The following HECW1 variants were observed in gnomAD, a reference collection of about 807,000 sequenced individuals.
HECW1 encodes the protein E3 ubiquitin-protein ligase HECW1.
In HECW1, 61 loss-of-function variants were observed where a neutral mutation model predicts 182.3. That is an observed-to-expected ratio of 0.33 (90% CI 0.27 to 0.41). The LOEUF (loss-of-function observed/expected upper bound fraction) is 0.41. Ranked by LOEUF, HECW1 falls within the 10% of genes least tolerant of loss-of-function variation. The pLI is 1.00. For missense variants in HECW1, 1,739 were observed against 2,108.9 expected, an observed-to-expected ratio of 0.82 and a Z score of 3.44; for synonymous variants, 859 against 832.6, an observed-to-expected ratio of 1.03 and a Z score of -0.55.
intron 6 of HECW1, among the ~76,000 whole-genome samples, chr7:43,381,488 A>ATTT (rs34238162): frequency 7.4e-6 from 1 of 135,032 alleles, no homozygotes; most frequent in African/African-American, 2.8e-5. Flanking sequence ...TGCATGGCTA[A>ATTT]TTTTTTTTTT....
chr7:43,477,689 A>G (rs781774581), intron 16 of HECW1, among the ~76,000 whole-genome samples: 1 of 152,174 alleles, frequency 6.6e-6, no homozygotes, highest in African/African-American at 2.4e-5. Flanking sequence ...TGATATTAGT[A>G]GTGTTGTTAT....
intron 3 of HECW1, among the ~76,000 whole-genome samples, chr7:43,309,633 T>C (rs78474990): frequency 0.015 from 2,308 of 152,318 alleles, 59 homozygotes; most frequent in African/African-American, 0.051. Context: ...TATATCCTAC[T>C]CAATCGTAAA....
chr7:43,169,692 T>G (rs1274128718), intron 2 of HECW1, among the ~76,000 whole-genome samples: 1 of 32,438 alleles, frequency 3.1e-5, no homozygotes, highest in Non-Finnish European at 8.0e-5. Context: ...TTTCTTTTCT[T>G]TTTTTTTTTT....
At chr7:43,147,895 C>A (rs1336772154) in intron 2 of HECW1, among the ~76,000 whole-genome samples, 1 of 152,210 alleles carries the variant, frequency 6.6e-6, no homozygotes, top group African/African-American at 2.4e-5. Context: ...TATCCCTAAG[C>A]TGAGCACTAG....
chr7:43,446,154 T>TTCG, intron 11 of HECW1, among the ~76,000 whole-genome samples: 1 of 151,832 alleles, frequency 6.6e-6, no homozygotes, highest in African/African-American at 2.4e-5. Context: ...TTGGTTTTGT[T>TTCG]TTGTTGTTGT....
At position 43,233,454 on chromosome 7, in the gene HECW1, T is replaced by G. The variant is rs75709371; in HGVS notation, c.-31-10421T>G. On this transcript the variant is annotated intron_variant, in intron 2 of 29. Transcript: ENST00000395891. ...AGACACTCATGTGTCTGTAGAATCTTAAAATATTATCCAGTGGAAAAATAT... is the reference window on the plus strand; with the variant it reads ...AGACACTCATGTGTCTGTAGAATCTGAAAATATTATCCAGTGGAAAAATAT... Among the ~76,000 whole-genome samples, 62 of 152,338 alleles carry G rather than the reference T, an allele frequency of 4.1e-4. No individual in the cohort carries two copies. The East Asian group carries it at 0.012, about 28-fold the overall frequency.
chr7:43,565,602 G>A lies in HECW1; in HGVS notation c.*3676G>A, dbSNP rs755890583. 14 of 164,990 alleles carry A rather than the reference G, an allele frequency of 8.5e-5. No individual in the cohort carries two copies. In the South Asian group the frequency reaches 2.6e-3, roughly 31 times the overall value. 10.2% of individuals were successfully genotyped at this position (164,990 alleles called of 1,614,324 possible). A position where few individuals can be genotyped will look rare whatever the true frequency, so the allele number is the denominator to read the frequency against. On this transcript the variant is annotated 3_prime_UTR_variant, in exon 30 of 30. Coordinates refer to ENST00000395891, the MANE Select transcript of HECW1 (RefSeq NM_015052.5). ...TTATTTTTATTATTATTATTATTAC[G>A]TACTTCAGTGTTCATTATTAAAACT...
intron 11 of HECW1, among the ~76,000 whole-genome samples, chr7:43,449,603 A>G (rs988802671): frequency 3.3e-5 from 5 of 152,234 alleles, no homozygotes; most frequent in Non-Finnish European, 7.3e-5. Context: ...AATATTCAGC[A>G]TTTGAGATCC....
At chr7:43,321,217 G>T (rs1376205359) in intron 5 of HECW1, among the ~76,000 whole-genome samples, 1 of 152,188 alleles carries the variant, frequency 6.6e-6, no homozygotes. Flanking sequence ...TCTGGCCACA[G>T]CTCCCCCGGA....
chr7:43,207,110 G>A (rs112555217), intron 2 of HECW1, among the ~76,000 whole-genome samples: 61 of 152,180 alleles, frequency 4.0e-4, no homozygotes, highest in African/African-American at 1.3e-3. Flanking sequence ...CCAGTGGTGC[G>A]ATCTCAGCTC....
At chr7:43,409,023 T>C (rs1449686971) in intron 8 of HECW1, among the ~76,000 whole-genome samples, 2 of 152,176 alleles carry the variant, frequency 1.3e-5, no homozygotes, top group Non-Finnish European at 2.9e-5. Context: ...TTTTTCAGAG[T>C]AGATCATCTC....
intron 3 of HECW1, among the ~76,000 whole-genome samples, chr7:43,259,097 G>T (rs978711069): frequency 2.6e-5 from 4 of 152,146 alleles, no homozygotes; most frequent in Non-Finnish European, 4.4e-5. Flanking sequence ...TACAAAAAAT[G>T]TCCACTTTGG....
At chr7:43,479,899 G>A (rs142197374) in intron 17 of HECW1, among the ~76,000 whole-genome samples, 155 bp downstream of exon 17, 10 of 152,184 alleles carry the variant, frequency 6.6e-5, no homozygotes, top group East Asian at 3.9e-4. Context: ...AATGATGACC[G>A]GGACACCCAC....
At chr7:43,403,616 CAA>C (rs1436922250) in intron 7 of HECW1, among the ~76,000 whole-genome samples, 2 of 152,072 alleles carry the variant, frequency 1.3e-5, no homozygotes, top group Non-Finnish European at 2.9e-5. Flanking sequence ...ATCCTTATGC[CAA>C]AGTCACAGAT....
intron 2 of HECW1, among the ~76,000 whole-genome samples, chr7:43,234,620 C>T (rs1798155026): frequency 6.6e-6 from 1 of 152,156 alleles, no homozygotes; most frequent in South Asian, 2.1e-4. Flanking sequence ...CCTGGAGACC[C>T]AGGGAAACCT....
At chr7:43,336,158 C>T (rs868470663) in intron 5 of HECW1, among the ~76,000 whole-genome samples, 4,367 of 83,140 alleles carry the variant, frequency 0.053, 33 homozygotes, top group East Asian at 0.078. Context: ...CTCTCTCTCT[C>T]TCTCTCTCTC....
chr7:43,154,508 T>A (rs1400471455), intron 2 of HECW1, among the ~76,000 whole-genome samples: 1 of 152,232 alleles, frequency 6.6e-6, no homozygotes, highest in Non-Finnish European at 1.5e-5. Context: ...CTCCAGTGAA[T>A]TATATTCTCG....
chr7:43,334,837 A>G (rs1331147073), intron 5 of HECW1, among the ~76,000 whole-genome samples: 1 of 152,238 alleles, frequency 6.6e-6, no homozygotes, highest in East Asian at 1.9e-4. Context: ...TCTACCCTCT[A>G]CCAGAGAATG....
intron 11 of HECW1, among the ~76,000 whole-genome samples, chr7:43,448,508 G>A (rs2077133000): frequency 6.6e-6 from 1 of 151,956 alleles, no homozygotes; most frequent in Admixed American, 6.6e-5. Context: ...GTGCAAAATG[G>A]GTATAATTAC....
Sources: allele counts gnomAD v4.1 joint callset (sites outside exome capture counted in the v4.1 genomes callset), GRCh38; gene constraint gnomAD v4.1.1; transcripts MANE v1.5; gene names NCBI Gene and HGNC (gene_info 2026-07-23, HGNC 2026-07-21).